The following SYMPK variants were observed in gnomAD, a reference collection of about 807,000 sequenced individuals.
The protein encoded by SYMPK is symplekin.
Under a neutral mutation model 136.4 loss-of-function variants are expected in SYMPK, and 49 were observed. The observed-to-expected ratio is 0.36, with a 90% confidence interval of 0.29 to 0.46. The LOEUF is 0.46. Ranked by LOEUF, SYMPK falls within the 20% of genes least tolerant of loss-of-function variation. SYMPK has a pLI of 1.00. For missense variants in SYMPK, 1,365 were observed against 1,690.0 expected (o/e 0.81, Z 3.37); for synonymous variants, 766 against 713.0 (o/e 1.07, Z -1.19).
intron 11 of SYMPK, 25 bp downstream of exon 11, chr19:45,835,053 C>A: frequency 1.3e-6 from 2 of 1,498,344 alleles, no homozygotes; most frequent in Non-Finnish European, 1.8e-6. Flanking sequence ...ATCCCTGGCC[C>A]AGGTTAGGGC....
intron 10 of SYMPK, among the ~76,000 whole-genome samples, chr19:45,836,383 C>T (rs972390742): frequency 3.3e-5 from 5 of 152,032 alleles, no homozygotes; most frequent in Non-Finnish European, 7.4e-5. Context: ...GTAATCATAG[C>T]ACTTTGGGAG....
intron 1 of SYMPK, among the ~76,000 whole-genome samples, chr19:45,859,476 T>C (rs1170297376): frequency 6.6e-6 from 1 of 151,996 alleles, no homozygotes; most frequent in Non-Finnish European, 1.5e-5. Flanking sequence ...GATGGATGCC[T>C]GTAATCCCAG....
At chr19:45,854,129 T>G in intron 3 of SYMPK, 46 bp downstream of exon 3, 1 of 1,588,704 alleles carries the variant, frequency 6.3e-7, no homozygotes, top group Non-Finnish European at 8.6e-7. Flanking sequence ...GTTCCCAGCC[T>G]CCTCCCTTTC....
intron 12 of SYMPK, chr19:45,830,532 G>T: frequency 3.9e-6 from 1 of 257,428 alleles, no homozygotes; most frequent in Non-Finnish European, 7.8e-6. Context: ...GTGGGCACGA[G>T]TGGAGGAGGG....
intron 11 of SYMPK, among the ~76,000 whole-genome samples, chr19:45,832,590 G>T (rs1162248230): frequency 6.6e-6 from 1 of 152,158 alleles, no homozygotes; most frequent in South Asian, 2.1e-4. Flanking sequence ...CCAAAAACTG[G>T]AAAGAAGCCA....
intron 14 of SYMPK, chr19:45,828,584 G>C (rs916427600): frequency 8.5e-6 from 2 of 234,510 alleles, no homozygotes; most frequent in African/African-American, 4.5e-5. Context: ...GAGTAAGCTG[G>C]AGGCCACGGA....
At chr19:45,828,146 A>C (rs1971089734) in intron 14 of SYMPK, 2 of 511,778 alleles carry the variant, frequency 3.9e-6, no homozygotes, top group South Asian at 4.3e-5. Flanking sequence ...TCCGTTTGTC[A>C]AACAGGGATT....
intron 24 of SYMPK, 48 bp from the exon 25 acceptor site, chr19:45,816,625 G>T: frequency 6.2e-7 from 1 of 1,610,426 alleles, no homozygotes; most frequent in Non-Finnish European, 8.5e-7. Flanking sequence ...CTGGCACAGA[G>T]ACCCCATTTG....
chr19:45,821,603 A>G lies in SYMPK; in HGVS notation c.2792-118T>C. On this transcript the variant is annotated intron_variant, in intron 21 of 26. Coordinates refer to ENST00000245934, the MANE Select transcript of SYMPK (RefSeq NM_004819.3). This position sits in a 1 kb window ranked among gnomAD's most constrained non-coding sequence, Gnocchi z 4.4. The stretch of plus-strand genomic sequence containing the variant: ...CAAAGATGAGGTGCCCTCTGCTTTC[A>G]GGGCTGGAACAGGGGAAGCGACTGA... 1.4e-6 allele frequency: 1 copy of G among 696,546 alleles called. No individual in the cohort carries two copies. Among genetic ancestry groups the G allele is most frequent in the Non-Finnish European group, 2.5e-6 (1 of 400,648 alleles). 43.1% of individuals were successfully genotyped at this position (696,546 alleles called of 1,614,324 possible).
Position 45,839,881 on chromosome 19 carries a change from C to T in SYMPK, c.1088-1266G>A, listed in dbSNP as rs560876649. On this transcript the variant is annotated intron_variant, in intron 9 of 26. Transcript: ENST00000245934. ...AAACACAAAAAAACCACTGGGTGAA[C>T]GTTTAAAGAGAAACATGTATTTTAC... 7.2e-5 allele frequency among the ~76,000 whole-genome samples: 11 copies of T among 152,060 alleles called. No homozygotes were observed. The East Asian group carries it at 1.7e-3, about 24-fold the overall frequency.
At chr19:45,820,848 G>A (rs959585190) in intron 22 of SYMPK, 13 of 446,766 alleles carry the variant, frequency 2.9e-5, no homozygotes, top group Non-Finnish European at 4.3e-5. Flanking sequence ...ACCAAGTGGC[G>A]GACCAGCAGG....
intron 10 of SYMPK, among the ~76,000 whole-genome samples, chr19:45,836,820 T>G (rs1971312906): frequency 6.6e-6 from 1 of 152,080 alleles, no homozygotes; most frequent in African/African-American, 2.4e-5. Flanking sequence ...TTTATTTTTC[T>G]TTTTGTAGAG....
At chr19:45,845,135 T>C (rs1364544490) in intron 7 of SYMPK, among the ~76,000 whole-genome samples, 1 of 151,410 alleles carries the variant, frequency 6.6e-6, no homozygotes, top group Non-Finnish European at 1.5e-5. Context: ...TTCCCTGAGA[T>C]GGGGTCTCAC....
At chr19:45,850,763 C>A (rs940739968) in intron 5 of SYMPK, among the ~76,000 whole-genome samples, 5 of 152,082 alleles carry the variant, frequency 3.3e-5, no homozygotes, top group African/African-American at 1.2e-4. Flanking sequence ...GCCAGCAAGA[C>A]AGAAAAAGTC....
chr19:45,833,636 A>T (rs1376705503), intron 11 of SYMPK, among the ~76,000 whole-genome samples: 24 of 152,206 alleles, frequency 1.6e-4, no homozygotes, highest in Admixed American at 1.6e-3. Context: ...AATAAAGAAT[A>T]GGTAAAACTA....
At chr19:45,848,717 C>T (rs780819697) in intron 6 of SYMPK, 33 bp downstream of exon 6, 2 of 1,612,050 alleles carry the variant, frequency 1.2e-6, no homozygotes, top group East Asian at 2.2e-5. Flanking sequence ...ACATATCAGG[C>T]AGGATGGCCC....
At chr19:45,824,909 C>T (rs565994163) in intron 18 of SYMPK, among the ~76,000 whole-genome samples, 3 of 152,284 alleles carry the variant, frequency 2.0e-5, no homozygotes, top group Non-Finnish European at 2.9e-5. Context: ...TTTTTACTGA[C>T]GGGCCCAAGG....
chr19:45,827,130 G>T (rs555741300), intron 16 of SYMPK, among the ~76,000 whole-genome samples: 2 of 152,298 alleles, frequency 1.3e-5, no homozygotes, highest in East Asian at 1.9e-4. Flanking sequence ...GCTGGCTGAG[G>T]CCACACCGGC....
intron 8 of SYMPK, chr19:45,842,734 T>C (rs1010604084): frequency 8.0e-6 from 4 of 501,274 alleles, no homozygotes; most frequent in African/African-American, 5.8e-5. Context: ...ATACATACAA[T>C]TTCGTCCTCC....
Sources: allele counts gnomAD v4.1 joint callset (sites outside exome capture counted in the v4.1 genomes callset), GRCh38; gene constraint gnomAD v4.1.1; non-coding constraint Gnocchi (gnomAD v3.1); transcripts MANE v1.5; gene names NCBI Gene and HGNC (gene_info 2026-07-23, HGNC 2026-07-21).